ATP8A1: variants seen among roughly 807,000 people sequenced by gnomAD.
ATP8A1 encodes the protein phospholipid-transporting ATPase IA.
Under a neutral mutation model 177.7 loss-of-function variants are expected in ATP8A1, and 90 were observed. The ratio of observed to expected loss-of-function variants is 0.51; its 90% CI spans 0.43 to 0.60. ATP8A1 has a LOEUF of 0.60. ATP8A1 is among the 20% of genes least tolerant of loss of function. The pLI, the probability that ATP8A1 is intolerant of heterozygous loss-of-function variation, is 0.00. For missense variants in ATP8A1, 1,072 were observed against 1,392.8 expected (o/e 0.77, Z 3.67); for synonymous variants, 493 against 485.9 (o/e 1.01, Z -0.19).
chr4:42,503,841 G>A (rs77751099), intron 23 of ATP8A1, among the ~76,000 whole-genome samples: 12,259 of 152,190 alleles, frequency 0.081, 681 homozygotes, highest in African/African-American at 0.16. Flanking sequence ...ACAGGCCAAC[G>A]ATTGTTTCTA....
In ATP8A1 at chr4:42,571,869, G is replaced by T. The variant is rs554576987; in HGVS notation, c.1296-2664C>A. Among the ~76,000 whole-genome samples, 29 of 152,264 alleles carry T rather than the reference G, an allele frequency of 1.9e-4. No homozygotes were observed. In the South Asian group the frequency reaches 5.8e-3, roughly 30 times the overall value. Reference sequence around the variant, plus strand: ...ATCATGAATCCAATTTGGGGCGAAGGTTCAGGGAAATCAAAGAAAATTTAT... The same window carrying T: ...ATCATGAATCCAATTTGGGGCGAAGTTTCAGGGAAATCAAAGAAAATTTAT... On this transcript the variant is annotated intron_variant, in intron 14 of 36. Coordinates refer to ENST00000381668, the MANE Select transcript of ATP8A1 (RefSeq NM_006095.2).
chr4:42,646,876 A>C (rs576547376), intron 1 of ATP8A1, among the ~76,000 whole-genome samples: 6 of 152,328 alleles, frequency 3.9e-5, no homozygotes, highest in African/African-American at 1.2e-4. Context: ...CCATGAAGCC[A>C]AGTTCTATAC....
chr4:42,438,152 T>G (rs1229479569), intron 33 of ATP8A1, among the ~76,000 whole-genome samples: 1 of 151,708 alleles, frequency 6.6e-6, no homozygotes, highest in Non-Finnish European at 1.5e-5. Context: ...CAGACAGGAG[T>G]GTGCACGGTG....
chr4:42,460,982 AT>A (rs1175534357), intron 27 of ATP8A1, among the ~76,000 whole-genome samples: 2 of 152,210 alleles, frequency 1.3e-5, no homozygotes, highest in East Asian at 3.8e-4. Context: ...TCATGCCTTG[AT>A]TAACCATTCA....
At chr4:42,632,768 C>T (rs1039087073) in intron 1 of ATP8A1, among the ~76,000 whole-genome samples, 2 of 152,136 alleles carry the variant, frequency 1.3e-5, no homozygotes, top group Admixed American at 1.3e-4. Context: ...ATCACTTAAC[C>T]CACTTAGGGG....
At chr4:42,479,720 G>A (rs1460359847) in intron 25 of ATP8A1, among the ~76,000 whole-genome samples, 1 of 152,194 alleles carries the variant, frequency 6.6e-6, no homozygotes, top group Non-Finnish European at 1.5e-5. Context: ...ATTTGGATGT[G>A]GTTGTGGAAG....
At chr4:42,541,212 A>T (rs1356112972) in intron 20 of ATP8A1, among the ~76,000 whole-genome samples, 1 of 152,222 alleles carries the variant, frequency 6.6e-6, no homozygotes, top group East Asian at 1.9e-4. Context: ...AATAATGGGC[A>T]AAAGATCTGA....
At chr4:42,651,841 G>T (rs890307117) in intron 1 of ATP8A1, among the ~76,000 whole-genome samples, 1 of 152,160 alleles carries the variant, frequency 6.6e-6, no homozygotes, top group Non-Finnish European at 1.5e-5. Context: ...AGCCAACCCT[G>T]TCTACCTCCA....
rs140537942 is a variant in ATP8A1, at chr4:42,522,172, C to T, written c.1935G>A (p.Glu645=). Residue 645 remains glutamate, a synonymous_variant, in exon 22 of 37, where the codon GAG becomes GAA. Coordinates refer to ENST00000381668, the MANE Select transcript of ATP8A1 (RefSeq NM_006095.2). ...ATCATCCACGTACCTTTTCAATCAA[C>T]TCATAACTCTCTTCGAGTTTGAGTA... is the stretch of plus-strand genomic sequence containing the variant. ...NRLLKLEESY[E]LIEKNLQLLG... is the part of the protein sequence containing the mutation. 7 of 1,611,038 alleles carry T rather than the reference C, an allele frequency of 4.3e-6. No homozygotes were observed. In the African/African-American group the frequency reaches 6.7e-5, roughly 15 times the overall value.
intron 25 of ATP8A1, among the ~76,000 whole-genome samples, chr4:42,466,122 C>T (rs561872274): frequency 2.0e-5 from 3 of 150,658 alleles, no homozygotes; most frequent in Admixed American, 2.0e-4. Flanking sequence ...ACTGTCTACA[C>T]TGTATTGGAA....
chr4:42,600,394 CTCA>C (rs1735126022), intron 6 of ATP8A1, 81 bp downstream of exon 6: 2 of 1,074,326 alleles, frequency 1.9e-6, no homozygotes, highest in South Asian at 4.9e-5. Context: ...TTCACATTTG[CTCA>C]TATTATACAA....
At chr4:42,472,402 A>T in intron 25 of ATP8A1, 1 of 274,598 alleles carries the variant, frequency 3.6e-6, no homozygotes, top group South Asian at 3.0e-5. Flanking sequence ...TAGTAAATTC[A>T]CAGTTAAAAA....
chr4:42,421,929 C>G (rs968853636), intron 35 of ATP8A1, among the ~76,000 whole-genome samples: 2 of 151,652 alleles, frequency 1.3e-5, no homozygotes, highest in Admixed American at 1.3e-4. Flanking sequence ...AGCTTTCTAA[C>G]TTTCCTTTTT....
At chr4:42,565,116 CA>C (rs1318213503) in intron 15 of ATP8A1, among the ~76,000 whole-genome samples, 1 of 152,168 alleles carries the variant, frequency 6.6e-6, no homozygotes, top group Non-Finnish European at 1.5e-5. Flanking sequence ...ACTGTAAGTT[CA>C]ATTAAACCTC....
chr4:42,485,692 T>C lies in ATP8A1; in HGVS notation c.2152-24A>G, dbSNP rs1280375034. The stretch of plus-strand genomic sequence containing the variant: ...CCCTGGAATATTAAACAAGCAAAAA[T>C]GCCATCAACATTTACTCCCATTTGT... On this transcript the variant is annotated intron_variant, in intron 24 of 36. Transcript: ENST00000381668. 3 of 1,597,330 alleles carry C rather than the reference T, an allele frequency of 1.9e-6. No individual in the cohort carries two copies. In the Admixed American group the frequency reaches 5.2e-5, roughly 28 times the overall value.
chr4:42,494,162 CA>C (rs397993131), intron 24 of ATP8A1, among the ~76,000 whole-genome samples: 2,288 of 53,190 alleles, frequency 0.043, 31 homozygotes, highest in African/African-American at 0.12. Context: ...GATCATGCCA[CA>C]AAAAAAAAAA....
intron 1 of ATP8A1, among the ~76,000 whole-genome samples, chr4:42,643,320 C>G (rs1431631946): frequency 2.0e-5 from 3 of 152,160 alleles, no homozygotes; most frequent in Admixed American, 6.5e-5. Flanking sequence ...ATGCAATACT[C>G]TAAGAGAATA....
At chr4:42,444,874 C>T (rs1448437869) in intron 31 of ATP8A1, among the ~76,000 whole-genome samples, 1 of 152,188 alleles carries the variant, frequency 6.6e-6, no homozygotes, top group Non-Finnish European at 1.5e-5. Flanking sequence ...CTCTCCCTCA[C>T]CTGCACAGCC....
rs199985116 is a variant in ATP8A1, at chr4:42,568,077, T to TCA, written c.1340+1083_1340+1084insTG. ...ACAATATTAAACTTGAATTATCCAC[T>TCA]AATAGTAAGATGCTTTGGTACATTT... is the stretch of plus-strand genomic sequence containing the variant. On this transcript the variant is annotated intron_variant, in intron 15 of 36. Coordinates refer to ENST00000381668, the MANE Select transcript of ATP8A1 (RefSeq NM_006095.2). Among the ~76,000 whole-genome samples the TCA allele has an allele frequency of 3.2e-4, 48 of 152,362 alleles. 1 individual carries two copies. In the East Asian group the frequency reaches 7.9e-3, roughly 25 times the overall value.
Sources: allele counts gnomAD v4.1 joint callset (sites outside exome capture counted in the v4.1 genomes callset), GRCh38; gene constraint gnomAD v4.1.1; transcripts MANE v1.5; gene names NCBI Gene and HGNC (gene_info 2026-07-23, HGNC 2026-07-21).